Variants in HECTD4 observed in about 807,000 individuals in gnomAD.
The protein encoded by HECTD4 is probable E3 ubiquitin-protein ligase HECTD4.
Under a neutral mutation model 471.5 loss-of-function variants are expected in HECTD4, and 114 were observed. The ratio of observed to expected loss-of-function variants is 0.24; its 90% confidence interval spans 0.21 to 0.28. HECTD4 has a LOEUF of 0.28. HECTD4 is among the 10% of genes least tolerant of loss of function. The pLI is 1.00. For missense variants in HECTD4, 3,866 were observed against 5,651.5 expected (o/e 0.68, Z 10.13); for synonymous variants, 2,012 against 2,256.0 (o/e 0.89, Z 3.07).
intron 54 of HECTD4, among the ~76,000 whole-genome samples, 153 bp from the exon 55 acceptor site, chr12:112,200,951 T>C (rs1486332713): frequency 6.6e-6 from 1 of 152,022 alleles, no homozygotes; most frequent in African/African-American, 2.4e-5. Flanking sequence ...AATTTGTAAC[T>C]AATTGCTATT....
intron 1 of HECTD4, among the ~76,000 whole-genome samples, chr12:112,377,593 G>A (rs776075444): frequency 4.6e-5 from 7 of 152,292 alleles, no homozygotes; most frequent in African/African-American, 7.2e-5. Flanking sequence ...GGAAGAGGCC[G>A]GGTGCGGTGG....
intron 7 of HECTD4, among the ~76,000 whole-genome samples, chr12:112,305,296 C>T (rs2035250670): frequency 6.6e-6 from 1 of 151,050 alleles, no homozygotes; most frequent in Admixed American, 6.6e-5. Context: ...TGGCTCCCAG[C>T]TGCTTCTTGC....
Position 112,313,059 on chromosome 12 carries a change from G to T in HECTD4, c.874C>A (p.Pro292Thr). Reference protein sequence around the residue: ...IVSWGYEDMLPAPDSNTGSSS... With the variant: ...IVSWGYEDMLTAPDSNTGSSS... Reference sequence around the variant, plus strand: ...GAGCCAGTGTTGCTATCCGGCGCAGGCAACATGTCTTCATAACCCCATGAT... The same window carrying T: ...GAGCCAGTGTTGCTATCCGGCGCAGTCAACATGTCTTCATAACCCCATGAT... Residue 292 changes from proline to threonine, a missense_variant, in exon 4 of 76, where the codon CCT (proline) becomes ACT (threonine). Transcript: ENST00000682272. 1 of 1,535,612 alleles carries T rather than the reference G, an allele frequency of 6.5e-7. No homozygotes were observed. Among genetic ancestry groups the T allele is most frequent in the Admixed American group, 2.0e-5 (1 of 50,970 alleles).
intron 1 of HECTD4, among the ~76,000 whole-genome samples, chr12:112,328,764 T>C (rs1376867168): frequency 1.3e-5 from 2 of 152,200 alleles, no homozygotes; most frequent in Non-Finnish European, 2.9e-5. Flanking sequence ...CTTTTCAACA[T>C]CTCTTATTTG....
intron 1 of HECTD4, among the ~76,000 whole-genome samples, chr12:112,367,203 G>C (rs1037115614): frequency 6.6e-6 from 1 of 151,448 alleles, no homozygotes; most frequent in African/African-American, 2.4e-5. Flanking sequence ...TTGGGAGGCT[G>C]AGGCAGAATC....
intron 66 of HECTD4, 75 bp downstream of exon 66, chr12:112,175,661 C>T: frequency 1.3e-6 from 2 of 1,519,966 alleles, no homozygotes. Context: ...CGGATCAGCT[C>T]CTCAGAAATT....
intron 1 of HECTD4, among the ~76,000 whole-genome samples, chr12:112,349,388 CAAAAAAAAAAAAAA>C (rs60480485): frequency 1.8e-5 from 1 of 54,718 alleles, no homozygotes; most frequent in African/African-American, 6.6e-5. Context: ...ACTCTTGCTC[CAAAAAAAAAAAAAA>C]AAAAAAAAAG....
rs575191470 is a variant in HECTD4, at chr12:112,216,456, G to A, written c.7386-85C>T. 1.2e-4 allele frequency: 113 copies of A among 910,216 alleles called. No individual in the cohort carries two copies. In the Middle Eastern group the frequency reaches 1.6e-3, roughly 13 times the overall value. The allele number at this position is 910,216 out of a possible 1,614,324, so 56.4% of individuals were successfully genotyped here. A position where few individuals can be genotyped will look rare whatever the true frequency, so the allele number is the denominator to read the frequency against. On this transcript the variant is annotated intron_variant, in intron 47 of 75. Coordinates refer to ENST00000682272, the MANE Select transcript of HECTD4 (RefSeq NM_001388303.1). ...ACACAAACAGGGAAGTGGTGAAGTG[G>A]AGGGGGGGTGGTCAGCATTGTGAGA...
chr12:112,259,089 C>T, intron 19 of HECTD4, 23 bp downstream of exon 19: 2 of 1,581,188 alleles, frequency 1.3e-6, no homozygotes, highest in Non-Finnish European at 1.7e-6. Flanking sequence ...AAGCAGTTCA[C>T]TTTGGCACAC....
chr12:112,378,519 C>G (rs1258905080), intron 1 of HECTD4, among the ~76,000 whole-genome samples: 1 of 151,946 alleles, frequency 6.6e-6, no homozygotes, highest in African/African-American at 2.4e-5. Flanking sequence ...CCACTGCGAC[C>G]GGCGTAAAAT....
intron 7 of HECTD4, among the ~76,000 whole-genome samples, chr12:112,296,455 T>C (rs1359383270): frequency 7.6e-6 from 1 of 130,778 alleles, no homozygotes; most frequent in South Asian, 2.5e-4. Flanking sequence ...TAGATGCAGA[T>C]GGTGTAGGTG....
At chr12:112,167,052 G>A in intron 72 of HECTD4, 2 of 371,206 alleles carry the variant, frequency 5.4e-6, no homozygotes, top group Non-Finnish European at 9.7e-6. Context: ...CCTTGCCCAT[G>A]GCCAGGCAAT....
intron 1 of HECTD4, among the ~76,000 whole-genome samples, chr12:112,365,174 T>C (rs1427598215): frequency 1.8e-4 from 28 of 152,204 alleles, no homozygotes; most frequent in Admixed American, 1.8e-3. Context: ...ACAGATAAAA[T>C]TAATTCTAGT....
At chr12:112,353,917 T>C (rs955400332) in intron 1 of HECTD4, among the ~76,000 whole-genome samples, 8 of 152,114 alleles carry the variant, frequency 5.3e-5, no homozygotes, top group African/African-American at 1.7e-4. Flanking sequence ...GGATTAATAA[T>C]AGTGGTTTTT....
chr12:112,252,292 A>T, intron 23 of HECTD4, 132 bp downstream of exon 23: 1 of 835,140 alleles, frequency 1.2e-6, no homozygotes, highest in Non-Finnish European at 1.8e-6. Flanking sequence ...GTAGTTGACT[A>T]GTGCCAACTA....
chr12:112,295,711 A>C (rs2034993735), intron 7 of HECTD4, among the ~76,000 whole-genome samples: 1 of 150,240 alleles, frequency 6.7e-6, no homozygotes, highest in African/African-American at 2.5e-5. Context: ...GTGTGATTGT[A>C]CTTCTCTGCA....
chr12:112,177,819 G>A (rs1045777180), intron 64 of HECTD4, among the ~76,000 whole-genome samples: 1 of 152,192 alleles, frequency 6.6e-6, no homozygotes, highest in Non-Finnish European at 1.5e-5. Context: ...GTATAGAATT[G>A]CTTCTGTATT....
chr12:112,275,011 A>C, intron 9 of HECTD4, 51 bp from the exon 10 acceptor site: 1 of 1,146,964 alleles, frequency 8.7e-7, no homozygotes, highest in Admixed American at 2.4e-5. Context: ...TTATTTTTAA[A>C]GTTTAAATTT....
rs79918065 is a variant in HECTD4, at chr12:112,205,302, C to T, written c.8132-679G>A. ...AATACAAATTAGCTGGGCATGGTAG[C>T]AGGTGCCTGTAATCCCAGCCACTCG... On this transcript the variant is annotated intron_variant, in intron 52 of 75. Coordinates refer to ENST00000682272, the MANE Select transcript of HECTD4 (RefSeq NM_001388303.1). Among the ~76,000 whole-genome samples, 198 of 152,100 alleles carry T rather than the reference C, an allele frequency of 1.3e-3. 2 individuals are homozygous for T. The East Asian group carries it at 0.02, about 15-fold the overall frequency.
Sources: allele counts gnomAD v4.1 joint callset (sites outside exome capture counted in the v4.1 genomes callset), GRCh38; gene constraint gnomAD v4.1.1; transcripts MANE v1.5; gene names NCBI Gene and HGNC (gene_info 2026-07-23, HGNC 2026-07-21).